Variants in PHLDB1 observed in about 807,000 individuals in gnomAD.
PHLDB1 encodes pleckstrin homology like domain family B member 1, also known as pleckstrin homology-like domain family B member 1.
PHLDB1 carries 65 observed loss-of-function variants against 139.3 expected under a neutral mutation model. The observed-to-expected ratio is 0.47, with a 90% confidence interval of 0.38 to 0.57. The LOEUF (loss-of-function observed/expected upper bound fraction) is 0.57, where lower values mean the gene tolerates loss of function less well. PHLDB1 is among the 20% of genes least tolerant of loss of function. PHLDB1 has a pLI of 0.00. For synonymous variants in PHLDB1, 679 were observed against 734.5 expected (o/e 0.92, Z 1.22); for missense variants, 1,624 against 1,839.7 (o/e 0.88, Z 2.14).
rs782091162 is a variant in PHLDB1 at position 118,645,555 on chromosome 11, C to A, written c.3321C>A (p.His1107Gln). The change falls in exon 16 of 23, where the codon CAC (histidine) becomes CAA (glutamine). Residue 1107 changes from histidine to glutamine, a missense_variant. Transcript: ENST00000600882. The surrounding 1 kb of genome is among the most constrained non-coding windows in gnomAD (Gnocchi z 5.1). ...AGRERGEEGEHAYDTLSLESS... is the reference protein window; with the variant it reads ...AGRERGEEGEQAYDTLSLESS... ...GGGAGCGTGGGGAGGAGGGTGAGCACGCCTATGATACGCTGAGTCTGGAGA... is the reference window on the plus strand; with the variant it reads ...GGGAGCGTGGGGAGGAGGGTGAGCAAGCCTATGATACGCTGAGTCTGGAGA... 1 of 1,613,592 alleles carries A rather than the reference C, an allele frequency of 6.2e-7. No homozygotes were observed. Among genetic ancestry groups the A allele is most frequent in the Admixed American group, 1.7e-5 (1 of 59,950 alleles).
At chr11:118,630,006 C>T in intron 6 of PHLDB1, 1 of 1,285,954 alleles carries the variant, frequency 7.8e-7, no homozygotes, top group Non-Finnish European at 1.0e-6. Flanking sequence ...CCCAGCCTCC[C>T]AGGTGCCGAG....
In PHLDB1 at chr11:118,608,323, C is replaced by A. The variant is rs989196514; in HGVS notation, c.-22+624C>A. Among the ~76,000 whole-genome samples the A allele has an allele frequency of 2.0e-5, 3 of 152,116 alleles. No homozygotes were observed. On this transcript the variant is annotated intron_variant, in intron 1 of 22. Coordinates refer to ENST00000600882, the MANE Select transcript of PHLDB1 (RefSeq NM_001144758.3). This position sits in a 1 kb window ranked among gnomAD's most constrained non-coding sequence, Gnocchi z 6.7. ...CCCACGTCCTCGGGGGCCGGGGAGG[C>A]CGCCTGGGGCGCCTTGCCACGCCCG... is the stretch of plus-strand genomic sequence containing the variant.
intron 4 of PHLDB1, among the ~76,000 whole-genome samples, chr11:118,619,314 G>T (rs184359464): frequency 1.4e-4 from 22 of 152,314 alleles, no homozygotes; most frequent in African/African-American, 5.3e-4. Context: ...CTCACTGGTG[G>T]GTAGGGGCTT....
In PHLDB1 at chr11:118,628,183, A is replaced by G. The variant is rs1944192838; in HGVS notation, c.1360A>G (p.Met454Val). The change falls in exon 6 of 23, where the codon ATG (methionine) becomes GTG (valine). Residue 454 changes from methionine (M) to valine (V), a missense_variant. By Grantham distance (21) the Met-to-Val change is conservative (BLOSUM62 1). Transcript: ENST00000600882. ...CCTGGGCCGGCGGGGCCTGGACAGT[A>G]TGCGAGAACTACCCCCCTTAAGTCC... ...PRLGRRGLDS[M>V]RELPPLSPSL... is the part of the protein sequence containing the mutation. 2 of 1,613,886 alleles carry G rather than the reference A, an allele frequency of 1.2e-6. No individual in the cohort carries two copies. Among genetic ancestry groups the G allele is most frequent in the African/African-American group, 1.3e-5 (1 of 74,904 alleles).
At position 118,627,919 on chromosome 11, in the gene PHLDB1, T is replaced by C. The variant is rs199510871; in HGVS notation, c.1096T>C (p.Tyr366His). The change falls in exon 6 of 23, where the codon TAC becomes CAC. Residue 366 changes from tyrosine to histidine, a missense_variant. Physicochemically the swap from Tyr to His is moderately conservative, Grantham distance 83. Transcript: ENST00000600882. ...LPVVAISLSEYPASGALSQPT... is the reference protein window; with the variant it reads ...LPVVAISLSEHPASGALSQPT... ...TGTGGTGGCCATCAGCCTGAGTGAATACCCAGCTTCTGGTGCTCTCAGTCA... is the reference window on the plus strand; with the variant it reads ...TGTGGTGGCCATCAGCCTGAGTGAACACCCAGCTTCTGGTGCTCTCAGTCA... The C allele has an allele frequency of 2.5e-6, 4 of 1,612,354 alleles. No individual in the cohort carries two copies. In the East Asian group the frequency reaches 6.7e-5, roughly 27 times the overall value.
rs138784811 is a variant in PHLDB1, at chr11:118,627,693, C to T, written c.870C>T (p.Ser290=). The T allele has an allele frequency of 6.9e-5, 111 of 1,610,608 alleles. No homozygotes were observed. Among genetic ancestry groups the T allele is most frequent in the Non-Finnish European group, 9.3e-5 (110 of 1,180,034 alleles). The change falls in exon 6 of 23, where the codon TCC becomes TCT. Residue 290 remains serine, a synonymous_variant. Coordinates refer to ENST00000600882, the MANE Select transcript of PHLDB1 (RefSeq NM_001144758.3). Reference sequence around the variant, plus strand: ...CCCCGCTGGTACCTGCCCGTTCCTCCAGCTACCATCTGGCCCTACAGCCCC... The same window carrying T: ...CCCCGCTGGTACCTGCCCGTTCCTCTAGCTACCATCTGGCCCTACAGCCCC... ...SVPPLVPARS[S]SYHLALQPPQ...
chr11:118,651,679 C>G (rs1334832781), intron 20 of PHLDB1: 2 of 151,610 alleles, frequency 1.3e-5, no homozygotes, highest in African/African-American at 4.9e-5. Context: ...CCCAGCTACT[C>G]GGGAGGCTGA....
intron 9 of PHLDB1, chr11:118,634,581 A>C: frequency 6.1e-6 from 1 of 164,460 alleles, no homozygotes; most frequent in Admixed American, 6.3e-5. Flanking sequence ...TCAGGAGACC[A>C]AAATCTGTGC....
chr11:118,647,790 A>G, intron 17 of PHLDB1, 140 bp from the exon 18 acceptor site: 1 of 827,542 alleles, frequency 1.2e-6, no homozygotes, highest in East Asian at 2.7e-5. Flanking sequence ...GCTCTTGGAG[A>G]GGGTGGGCTT....
chr11:118,626,663 G>A (rs574830280), intron 5 of PHLDB1, among the ~76,000 whole-genome samples: 2 of 151,998 alleles, frequency 1.3e-5, no homozygotes, highest in African/African-American at 4.8e-5. Context: ...GATTACAGGC[G>A]TGAGCCACCA....
chr11:118,640,021 G>T (rs768482981), intron 12 of PHLDB1: 3 of 984,696 alleles, frequency 3.0e-6, no homozygotes, highest in Non-Finnish European at 3.6e-6. Context: ...ACAGCTAACT[G>T]CGTGCTCTGC....
chr11:118,622,176 G>A (rs993310126), intron 4 of PHLDB1, among the ~76,000 whole-genome samples: 1 of 152,126 alleles, frequency 6.6e-6, no homozygotes, highest in Non-Finnish European at 1.5e-5. Flanking sequence ...CTGGGCATGG[G>A]GGACACTGAT....
chr11:118,625,924 G>T (rs1403630803), intron 5 of PHLDB1, among the ~76,000 whole-genome samples: 2 of 152,140 alleles, frequency 1.3e-5, no homozygotes, highest in Non-Finnish European at 2.9e-5. Context: ...TCCTCTGGGG[G>T]CTCAGAAGCC....
intron 20 of PHLDB1, chr11:118,654,407 G>C (rs1219177323): frequency 2.0e-5 from 3 of 151,916 alleles, no homozygotes; most frequent in African/African-American, 7.3e-5. Flanking sequence ...TAAAAAATAG[G>C]TAAAAGTATT....
In PHLDB1 at chr11:118,655,695, G is replaced by T; in HGVS notation, c.3960+5G>T. 6.2e-7 allele frequency: 1 copy of T among 1,608,040 alleles called. No homozygotes were observed. The highest frequency in any genetic ancestry group is 2.2e-5 in the East Asian group (1 of 44,818). On this transcript the variant is annotated splice_donor_5th_base_variant and intron_variant, in intron 21 of 22. Coordinates refer to ENST00000600882, the MANE Select transcript of PHLDB1 (RefSeq NM_001144758.3). ...CACCTGCGCAGTGCAGCCAAGGTCA[G>T]GGGTGGAGGGCACCAGAGGGGGGCC...
At chr11:118,613,346 G>T (rs1006117898) in intron 1 of PHLDB1, 22 of 986,638 alleles carry the variant, frequency 2.2e-5, no homozygotes, top group African/African-American at 3.5e-5. Context: ...AGAGGAGAAT[G>T]AAAGGTTGCA....
At chr11:118,619,015 C>G (rs1003958496) in intron 4 of PHLDB1, among the ~76,000 whole-genome samples, 2 of 152,086 alleles carry the variant, frequency 1.3e-5, no homozygotes, top group Non-Finnish European at 2.9e-5. Flanking sequence ...GATTCCACCC[C>G]CTGTACCCAG....
In PHLDB1 at chr11:118,656,828, C is replaced by T. The variant is rs374927962; in HGVS notation, c.*5C>T. 37 of 1,607,636 alleles carry T rather than the reference C, an allele frequency of 2.3e-5. No individual in the cohort carries two copies. In the South Asian group the frequency reaches 2.8e-4, roughly 12 times the overall value. ...TACACTCAGTTCATGAACTAACTGCCGTGGGCCTCCTGGCAGAGCACAACT... is the reference window on the plus strand; with the variant it reads ...TACACTCAGTTCATGAACTAACTGCTGTGGGCCTCCTGGCAGAGCACAACT... On this transcript the variant is annotated 3_prime_UTR_variant, in exon 23 of 23. Transcript: ENST00000600882.
chr11:118,614,203 T>C (rs1252010104), intron 2 of PHLDB1, among the ~76,000 whole-genome samples: 1 of 151,986 alleles, frequency 6.6e-6, no homozygotes, highest in Non-Finnish European at 1.5e-5. Flanking sequence ...GCCACGTGGA[T>C]AGCCATGGAC....
Sources: allele counts gnomAD v4.1 joint callset (sites outside exome capture counted in the v4.1 genomes callset), GRCh38; gene constraint gnomAD v4.1.1; non-coding constraint Gnocchi (gnomAD v3.1); transcripts MANE v1.5; gene names NCBI Gene and HGNC (gene_info 2026-07-23, HGNC 2026-07-21).